Variants in RPL35 observed in about 807,000 individuals in gnomAD.
The protein encoded by RPL35 is ribosomal protein L35, also known as large ribosomal subunit protein uL29.
RPL35 carries 2 observed loss-of-function variants against 15.6 expected under a neutral mutation model. The ratio of observed to expected loss-of-function variants is 0.13; its 90% CI spans 0.05 to 0.40. The LOEUF is 0.40. Ranked by LOEUF, RPL35 falls within the 10% of genes least tolerant of loss-of-function variation. The pLI is 0.99. For synonymous variants in RPL35, 93 were observed against 67.9 expected (o/e 1.37, Z -1.82); for missense variants, 111 against 164.7 (o/e 0.67, Z 1.79).
At chr9:124,859,624 T>G (rs902286994) in intron 3 of RPL35, among the ~76,000 whole-genome samples, 1 of 152,154 alleles carries the variant, frequency 6.6e-6, no homozygotes, top group African/African-American at 2.4e-5. Flanking sequence ...TTTCTCTGCT[T>G]GAACCCCAAT....
rs1829202395 is a variant in RPL35 at position 124,861,787 on chromosome 9, C to G, written c.3+123G>C. 22 of 1,403,138 alleles carry G rather than the reference C, an allele frequency of 1.6e-5. No homozygotes were observed. In the South Asian group the frequency reaches 3.0e-4, roughly 19 times the overall value. The allele number at this position is 1,403,138 out of a possible 1,614,324, so 86.9% of individuals were successfully genotyped here. On this transcript the variant is annotated intron_variant, in intron 1 of 3. Transcript: ENST00000348462. ...AGAGGCGGGTTGTGGTGGCGCCAGA[C>G]CATTCTGCGCGGCGCCCCACAGGCC...
In RPL35 at chr9:124,860,360, C is replaced by T. The variant is rs1829177812; in HGVS notation, c.141-96G>A. ...AGGGCAGCAATAGCTGCAGCCTCCC[C>T]CATCAACCCATCCATATTCACTCAG... On this transcript the variant is annotated intron_variant, in intron 2 of 3. Transcript: ENST00000348462. The T allele has an allele frequency of 1.1e-5, 11 of 966,514 alleles. No individual in the cohort carries two copies. In the South Asian group the frequency reaches 1.3e-4, roughly 11 times the overall value. 59.9% of individuals were successfully genotyped at this position (966,514 alleles called of 1,614,324 possible).
intron 2 of RPL35, chr9:124,861,178 G>C (rs539414421): frequency 1.8e-5 from 9 of 492,038 alleles, no homozygotes; most frequent in African/African-American, 1.6e-4. Flanking sequence ...GAAGGAAGGG[G>C]TCCGGGTAGG....
chr9:124,860,243 A>G lies in RPL35; in HGVS notation c.162T>C (p.Ile54=). ...LSKIRVVRKS[I]ARVLTVINQT... is the part of the protein sequence containing the mutation. ...GGTTAATAACTGTGAGAACACGGGC[A>G]ATGGATTTCCGGACGACTCGGCTAC... Residue 54 remains isoleucine (I), a synonymous_variant, in exon 3 of 4, where the codon ATT becomes ATC. Coordinates refer to ENST00000348462, the MANE Select transcript of RPL35 (RefSeq NM_007209.4). The G allele has an allele frequency of 6.2e-7, 1 of 1,614,118 alleles. No individual in the cohort carries two copies. Among genetic ancestry groups the G allele is most frequent in the Non-Finnish European group, 8.5e-7 (1 of 1,179,938 alleles).
At chr9:124,860,329 A>C in intron 2 of RPL35, 65 bp from the exon 3 acceptor site, 2 of 1,323,360 alleles carry the variant, frequency 1.5e-6, no homozygotes, top group Non-Finnish European at 2.2e-6. Context: ...CTCAGGACTC[A>C]CACATAGGGC....
At chr9:124,860,330 C>T in intron 2 of RPL35, 66 bp from the exon 3 acceptor site, 1 of 1,308,776 alleles carries the variant, frequency 7.6e-7, no homozygotes, top group Non-Finnish European at 1.1e-6. Flanking sequence ...TCAGGACTCA[C>T]ACATAGGGCA....
rs377488667 is a variant in RPL35, at chr9:124,859,453, A to G, written c.222+730T>C. On this transcript the variant is annotated intron_variant, in intron 3 of 3. Transcript: ENST00000348462. ...GGGTAATCCCAGAAGGCCCGATCCA[A>G]TCAGCTGTAAGTCTTAAGCACAGGG... Among the ~76,000 whole-genome samples, 84 of 152,310 alleles carry G rather than the reference A, an allele frequency of 5.5e-4. No individual in the cohort carries two copies. The South Asian group carries it at 0.017, about 31-fold the overall frequency.
At position 124,857,930 on chromosome 9, in the gene RPL35, C is replaced by A. The variant is rs748741219; in HGVS notation, c.360G>T (p.Ala120=). ...KERLYPLRKY[A]VKA is the part of the protein sequence containing the mutation. ...GACAATGCGCCCCTCAGGCCTTGAC[C>A]GCGTACTTCCGCAGCGGGTACAGCC... The change falls in exon 4 of 4, where the codon GCG becomes GCT. Residue 120 remains alanine, a synonymous_variant. Transcript: ENST00000348462. 20 of 1,612,220 alleles carry A rather than the reference C, an allele frequency of 1.2e-5. No homozygotes were observed. Among genetic ancestry groups the A allele is most frequent in the Non-Finnish European group, 1.6e-5 (19 of 1,180,034 alleles).
chr9:124,857,913 G>T lies in RPL35; in HGVS notation c.*5C>A, dbSNP rs372635794. The T allele has an allele frequency of 1.9e-5, 31 of 1,611,728 alleles. No homozygotes were observed. The African/African-American group carries it at 3.6e-4, about 19-fold the overall frequency. ...GCCAGCTGTGCTTTATTGACAATGC[G>T]CCCCTCAGGCCTTGACCGCGTACTT... On this transcript the variant is annotated 3_prime_UTR_variant, in exon 4 of 4. Transcript: ENST00000348462.
intron 2 of RPL35, among the ~76,000 whole-genome samples, chr9:124,860,486 G>A (rs1219251297): frequency 6.6e-6 from 1 of 152,154 alleles, no homozygotes; most frequent in Non-Finnish European, 1.5e-5. Flanking sequence ...AAATGAGGCA[G>A]ATCAGAAAAA....
At chr9:124,859,810 C>A (rs1273688398) in intron 3 of RPL35, among the ~76,000 whole-genome samples, 1 of 152,156 alleles carries the variant, frequency 6.6e-6, no homozygotes, top group Non-Finnish European at 1.5e-5. Context: ...GGGCCCTCAT[C>A]TGAAAAATGA....
chr9:124,860,303 A>G (rs1337130848), intron 2 of RPL35, 39 bp from the exon 3 acceptor site: 3 of 1,520,798 alleles, frequency 2.0e-6, no homozygotes, highest in African/African-American at 2.7e-5. Flanking sequence ...GGGAAGACAC[A>G]TAGCACTACC....
chr9:124,861,359 C>T, intron 2 of RPL35, 60 bp downstream of exon 2: 1 of 1,563,086 alleles, frequency 6.4e-7, no homozygotes, highest in Non-Finnish European at 8.7e-7. Flanking sequence ...AATCCTCCGA[C>T]GATCCCGATG....
At chr9:124,859,732 G>A (rs953317864) in intron 3 of RPL35, among the ~76,000 whole-genome samples, 2 of 152,132 alleles carry the variant, frequency 1.3e-5, no homozygotes, top group Non-Finnish European at 2.9e-5. Flanking sequence ...CACTAAAGCC[G>A]ACCCTCCCCA....
intron 1 of RPL35, 151 bp from the exon 2 acceptor site, chr9:124,861,706 T>G: frequency 7.4e-7 from 1 of 1,349,704 alleles, no homozygotes; most frequent in Non-Finnish European, 1.0e-6. Flanking sequence ...TCGCCGGCCG[T>G]GCCTTGGGCA....
In RPL35 at chr9:124,861,834, G is replaced by A. The variant is rs972588377; in HGVS notation, c.3+76C>T. ...GGCCTAGGTGGCAGATAGAATCCGC[G>A]GGCTCAGCCCGCACCGCCTTCCCCA... is the stretch of plus-strand genomic sequence containing the variant. On this transcript the variant is annotated intron_variant, in intron 1 of 3. Transcript: ENST00000348462. The A allele has an allele frequency of 2.1e-5, 33 of 1,565,814 alleles. No individual in the cohort carries two copies. The African/African-American group carries it at 3.4e-4, about 16-fold the overall frequency.
Position 124,858,439 on chromosome 9 carries a change from C to T in RPL35, c.223-372G>A, listed in dbSNP as rs370219873. ...AGGGCACGCAGCACCCACCAAGCCC[C>T]GGGGGTAGTTACCATTACCTCGGCT... On this transcript the variant is annotated intron_variant, in intron 3 of 3. Transcript: ENST00000348462. 5.7e-5 allele frequency: 41 copies of T among 714,070 alleles called. 2 individuals carry two copies. Among genetic ancestry groups the T allele is most frequent in the African/African-American group, 2.4e-4 (14 of 57,348 alleles). 44.2% of individuals were successfully genotyped at this position (714,070 alleles called of 1,614,324 possible). A position where few individuals can be genotyped will look rare whatever the true frequency, so the allele number is the denominator to read the frequency against.
In RPL35 at chr9:124,861,356, C is replaced by T. The variant is rs1588037739; in HGVS notation, c.140+63G>A. On this transcript the variant is annotated intron_variant, in intron 2 of 3. Transcript: ENST00000348462. ...TCCTTAAGCCAACTTTGAAATCCTC[C>T]GACGATCCCGATGCACACGTGCTCC... 8 of 1,559,422 alleles carry T rather than the reference C, an allele frequency of 5.1e-6. No individual in the cohort carries two copies. The East Asian group carries it at 1.6e-4, about 31-fold the overall frequency.
At chr9:124,858,465 C>T (rs1829142959) in intron 3 of RPL35, 1 of 716,560 alleles carries the variant, frequency 1.4e-6, no homozygotes, top group Non-Finnish European at 2.6e-6. Flanking sequence ...TACCTCGGCT[C>T]TGGTTAGCAA....
Sources: gnomAD v4.1 joint callset for allele counts (sites outside exome capture counted in the v4.1 genomes callset) on GRCh38, gnomAD v4.1.1 for gene constraint, MANE v1.5 for transcripts, NCBI Gene and HGNC (gene_info 2026-07-23, HGNC 2026-07-21) for gene names.